TMPRSS11D: variants seen among roughly 807,000 people sequenced by gnomAD.
TMPRSS11D encodes transmembrane serine protease 11D.
A neutral mutation model predicts 44.4 loss-of-function variants in TMPRSS11D; 32 were observed. The observed-to-expected ratio is 0.72, with a 90% CI of 0.54 to 0.97. The LOEUF (loss-of-function observed/expected upper bound fraction) is 0.97. Among genes scored for constraint, TMPRSS11D ranks in the 50% least tolerant of loss-of-function variants. The pLI, the probability that TMPRSS11D is intolerant of heterozygous loss-of-function variation, is 0.00. For missense variants in TMPRSS11D, 446 were observed against 502.6 expected (o/e 0.89, Z 1.08); for synonymous variants, 179 against 177.9 (o/e 1.01, Z -0.05).
At chr4:67,861,059 T>G (rs1718781816) in intron 1 of TMPRSS11D, among the ~76,000 whole-genome samples, 1 of 151,744 alleles carries the variant, frequency 6.6e-6, no homozygotes, top group Non-Finnish European at 1.5e-5. Flanking sequence ...TTGACCATGT[T>G]CAAGCATGAT....
At chr4:67,866,836 TACAA>T (rs1718936591) in intron 1 of TMPRSS11D, among the ~76,000 whole-genome samples, 1 of 151,726 alleles carries the variant, frequency 6.6e-6, no homozygotes, top group South Asian at 2.1e-4. Flanking sequence ...ATGGAGATGA[TACAA>T]ACAAATGGAA....
At chr4:67,847,229 C>T (rs902068382) in intron 3 of TMPRSS11D, among the ~76,000 whole-genome samples, 3 of 152,096 alleles carry the variant, frequency 2.0e-5, no homozygotes, top group African/African-American at 7.2e-5. Context: ...CTGATACATA[C>T]ACCTTGAAGG....
rs560281774 is a variant in TMPRSS11D, at chr4:67,850,658, T to C, written c.249+3410A>G. Among the ~76,000 whole-genome samples, 12 of 152,022 alleles carry C rather than the reference T, an allele frequency of 7.9e-5. No homozygotes were observed. The South Asian group carries it at 2.3e-3, about 29-fold the overall frequency. ...AAGGAGGGTTTATGTAGTAAAGGAGTGCACTTGGACAGGCAGAGCCCCAGG... is the reference window on the plus strand; with the variant it reads ...AAGGAGGGTTTATGTAGTAAAGGAGCGCACTTGGACAGGCAGAGCCCCAGG... On this transcript the variant is annotated intron_variant, in intron 3 of 9. Coordinates refer to ENST00000283916, the MANE Select transcript of TMPRSS11D (RefSeq NM_004262.3).
intron 9 of TMPRSS11D, among the ~76,000 whole-genome samples, chr4:67,823,824 GT>G (rs201590504): frequency 4.0e-5 from 6 of 151,786 alleles, no homozygotes; most frequent in East Asian, 1.9e-4. Flanking sequence ...TTTTTGTAGT[GT>G]TTTTTTTTCT....
rs192838845 is a variant in TMPRSS11D at position 67,865,908 on chromosome 4, C to T, written c.9-6230G>A. 1.3e-3 allele frequency among the ~76,000 whole-genome samples: 195 copies of T among 152,068 alleles called. 1 individual carries two copies. Among genetic ancestry groups the T allele is most frequent in the Admixed American group, 3.4e-3 (52 of 15,246 alleles). On this transcript the variant is annotated intron_variant, in intron 1 of 9. Coordinates refer to ENST00000283916, the MANE Select transcript of TMPRSS11D (RefSeq NM_004262.3). ...CAGATGCATTCACAGCCAAACTCTA[C>T]AAGATGTATAAAGAAAAACTGATGC...
chr4:67,822,037 G>A lies in TMPRSS11D; in HGVS notation c.*300C>T, dbSNP rs1717654708. On this transcript the variant is annotated 3_prime_UTR_variant, in exon 10 of 10. Transcript: ENST00000283916. ...TCTACTATACATGCTCAAGGTTCCT[G>A]TTCTTCTCACTACGGGCATTTAGCA... is the stretch of plus-strand genomic sequence containing the variant. 3.9e-6 allele frequency: 1 copy of A among 254,982 alleles called. No individual in the cohort carries two copies. The highest frequency in any genetic ancestry group is 7.7e-6 in the Non-Finnish European group (1 of 130,600). 15.8% of individuals were successfully genotyped at this position (254,982 alleles called of 1,614,324 possible).
rs777348104 is a variant in TMPRSS11D at position 67,854,199 on chromosome 4, T to C, written c.131-13A>G. ...TAAGATTTTTGATCTGAAAAAGAAA[T>C]AAAAGGGAAGGTCAGTCTTACTTTA... On this transcript the variant is annotated splice_polypyrimidine_tract_variant and intron_variant, in intron 2 of 9. Coordinates refer to ENST00000283916, the MANE Select transcript of TMPRSS11D (RefSeq NM_004262.3). 1 of 1,335,978 alleles carries C rather than the reference T, an allele frequency of 7.5e-7. No individual in the cohort carries two copies. Among genetic ancestry groups the C allele is most frequent in the Non-Finnish European group, 1.1e-6 (1 of 944,914 alleles). The allele number at this position is 1,335,978 out of a possible 1,614,324, so 82.8% of individuals were successfully genotyped here.
chr4:67,883,230 A>G (rs1287029016), intron 1 of TMPRSS11D, among the ~76,000 whole-genome samples: 1 of 151,998 alleles, frequency 6.6e-6, no homozygotes, highest in Non-Finnish European at 1.5e-5. Context: ...TAATATGCAT[A>G]ATATATACAC....
chr4:67,831,581 G>A (rs771262727), intron 7 of TMPRSS11D, among the ~76,000 whole-genome samples: 19 of 152,044 alleles, frequency 1.2e-4, no homozygotes, highest in African/African-American at 1.7e-4. Flanking sequence ...TTTCTATTCC[G>A]TTCTTGGTTA....
At chr4:67,827,152 T>C in intron 8 of TMPRSS11D, 109 bp downstream of exon 8, 1 of 1,414,644 alleles carries the variant, frequency 7.1e-7, no homozygotes, top group East Asian at 2.4e-5. Context: ...AATGGTTCTG[T>C]CTGTAGAAGA....
intron 1 of TMPRSS11D, among the ~76,000 whole-genome samples, chr4:67,881,319 T>C (rs1719316340): frequency 6.6e-6 from 1 of 152,146 alleles, no homozygotes; most frequent in South Asian, 2.1e-4. Context: ...GGAAGACAAG[T>C]TGGCAGTGGC....
In TMPRSS11D at chr4:67,842,582, A is replaced by G; in HGVS notation, c.293T>C (p.Ile98Thr). The G allele has an allele frequency of 1.9e-6, 3 of 1,608,350 alleles. No individual in the cohort carries two copies. The highest frequency in any genetic ancestry group is 1.7e-6 in the Non-Finnish European group (2 of 1,178,718). Residue 98 changes from isoleucine (I) to threonine (T), a missense_variant, in exon 4 of 10, where the codon ATC (isoleucine) becomes ACC (threonine). Ile to Thr is a moderately conservative substitution (Grantham distance 89). Coordinates refer to ENST00000283916, the MANE Select transcript of TMPRSS11D (RefSeq NM_004262.3). Reference protein sequence around the residue: ...FKESNLRNQFIRAHVAKLRQD... With the variant: ...FKESNLRNQFTRAHVAKLRQD... ...CCTCAGTTTGGCAACATGAGCTCTG[A>G]TGAACTGATTTCTTAAATTTGATTC...
At chr4:67,822,732 C>A (rs1306421461) in intron 9 of TMPRSS11D, among the ~76,000 whole-genome samples, 1 of 152,116 alleles carries the variant, frequency 6.6e-6, no homozygotes, top group Non-Finnish European at 1.5e-5. Context: ...TCAGATTTCC[C>A]TCAGTCACCG....
chr4:67,863,053 T>A (rs201945236), intron 1 of TMPRSS11D, among the ~76,000 whole-genome samples: 476 of 131,712 alleles, frequency 3.6e-3, no homozygotes, highest in African/African-American at 7.4e-3. Context: ...AATAAAAAAA[T>A]ATATATAAAA....
chr4:67,859,772 C>G, intron 1 of TMPRSS11D, 94 bp from the exon 2 acceptor site: 1 of 1,501,324 alleles, frequency 6.7e-7, no homozygotes. Flanking sequence ...TTCCCGGTCT[C>G]TTATCTGGGA....
chr4:67,868,016 A>G (rs1577829631), intron 1 of TMPRSS11D, among the ~76,000 whole-genome samples: 1 of 152,180 alleles, frequency 6.6e-6, no homozygotes, highest in Non-Finnish European at 1.5e-5. Context: ...CTGTACTCAT[A>G]TGTTTATTGC....
intron 4 of TMPRSS11D, among the ~76,000 whole-genome samples, chr4:67,841,041 G>T (rs150591571): frequency 1.1e-4 from 16 of 152,184 alleles, no homozygotes; most frequent in African/African-American, 3.9e-4. Flanking sequence ...ACATGATAAA[G>T]TTCCATGTAA....
At chr4:67,850,399 T>C (rs1577817474) in intron 3 of TMPRSS11D, among the ~76,000 whole-genome samples, 2 of 152,078 alleles carry the variant, frequency 1.3e-5, no homozygotes, top group Non-Finnish European at 2.9e-5. Flanking sequence ...TGGTATTTTG[T>C]TGCAGCCGCT....
intron 1 of TMPRSS11D, among the ~76,000 whole-genome samples, chr4:67,867,800 AT>A (rs1475067537): frequency 1.3e-5 from 2 of 152,168 alleles, no homozygotes; most frequent in African/African-American, 4.8e-5. Context: ...TGGAATGGTT[AT>A]TAGAAAGTCA....
Sources: allele counts gnomAD v4.1 joint callset (sites outside exome capture counted in the v4.1 genomes callset), GRCh38; gene constraint gnomAD v4.1.1; transcripts MANE v1.5; gene names NCBI Gene and HGNC (gene_info 2026-07-23, HGNC 2026-07-21).